The following CNTNAP2 variants were observed in gnomAD, a reference collection of about 807,000 sequenced individuals.
CNTNAP2 encodes the protein contactin-associated protein-like 2.
A neutral mutation model predicts 155.2 loss-of-function variants in CNTNAP2; 98 were observed. The observed-to-expected ratio is 0.63, with a 90% confidence interval of 0.54 to 0.75. The LOEUF (loss-of-function observed/expected upper bound fraction) is 0.75, where lower values mean the gene tolerates loss of function less well. Among genes scored for constraint, CNTNAP2 ranks in the 30% least tolerant of loss-of-function variants. The probability of loss-of-function intolerance (pLI) is 0.00; values close to 1 mark genes in which losing one functional copy is unlikely to be tolerated. For missense variants in CNTNAP2, 1,727 were observed against 1,688.1 expected, an observed-to-expected ratio of 1.02 and a Z score of -0.40; for synonymous variants, 651 against 631.2, an observed-to-expected ratio of 1.03 and a Z score of -0.47.
At chr7:147,402,962 A>AC (rs1563191202) in intron 10 of CNTNAP2, among the ~76,000 whole-genome samples, 5 of 147,270 alleles carry the variant, frequency 3.4e-5, no homozygotes, top group Non-Finnish European at 6.1e-5. Context: ...GAAAAAAAAA[A>AC]AAAAAAAAAC....
At chr7:148,311,976 A>T (rs958989416) in intron 21 of CNTNAP2, among the ~76,000 whole-genome samples, 1 of 152,226 alleles carries the variant, frequency 6.6e-6, no homozygotes, top group African/African-American at 2.4e-5. Context: ...GATTCAACAA[A>T]GAGTGAGTAC....
intron 8 of CNTNAP2, chr7:147,167,568 G>A: frequency 1.3e-6 from 1 of 786,086 alleles, no homozygotes. Context: ...AGATGACGAT[G>A]ATGACCTGTG....
chr7:147,244,244 A>C (rs770744080), intron 8 of CNTNAP2, among the ~76,000 whole-genome samples: 13 of 152,226 alleles, frequency 8.5e-5, no homozygotes, highest in Non-Finnish European at 1.8e-4. Flanking sequence ...AGAGTGTGGA[A>C]GGGTTAAAGA....
At chr7:148,249,414 C>T (rs1208628974) in intron 20 of CNTNAP2, among the ~76,000 whole-genome samples, 2 of 152,170 alleles carry the variant, frequency 1.3e-5, no homozygotes, top group African/African-American at 4.8e-5. Context: ...CTTCAGTGGG[C>T]GTGCTTCCAG....
At chr7:146,409,926 C>G (rs1385057203) in intron 1 of CNTNAP2, among the ~76,000 whole-genome samples, 1 of 152,156 alleles carries the variant, frequency 6.6e-6, no homozygotes, top group Non-Finnish European at 1.5e-5. Flanking sequence ...GATGCAATGA[C>G]TTTCAAGGTC....
At chr7:148,223,890 A>G (rs1795794455) in intron 19 of CNTNAP2, among the ~76,000 whole-genome samples, 1 of 152,228 alleles carries the variant, frequency 6.6e-6, no homozygotes, top group South Asian at 2.1e-4. Flanking sequence ...ACAAAGTGAC[A>G]GCAGAGAGGA....
intron 1 of CNTNAP2, among the ~76,000 whole-genome samples, chr7:146,639,142 A>C (rs569911329): frequency 4.7e-4 from 71 of 152,330 alleles, no homozygotes; most frequent in African/African-American, 1.7e-3. Context: ...GGTGCCAATT[A>C]TGTGATTCCA....
intron 1 of CNTNAP2, among the ~76,000 whole-genome samples, chr7:146,643,715 G>T (rs1799756684): frequency 6.6e-6 from 1 of 152,144 alleles, no homozygotes; most frequent in African/African-American, 2.4e-5. Context: ...TTGGTAGCTT[G>T]ATGGGGATGG....
In CNTNAP2 at chr7:147,227,490, A is replaced by G. The variant is rs933178934; in HGVS notation, c.1349-72651A>G. Among the ~76,000 whole-genome samples the G allele has an allele frequency of 3.3e-5, 5 of 152,238 alleles. No homozygotes were observed. In the South Asian group the frequency reaches 6.2e-4, roughly 19 times the overall value. On this transcript the variant is annotated intron_variant, in intron 8 of 23. Coordinates refer to ENST00000361727, the MANE Select transcript of CNTNAP2 (RefSeq NM_014141.6). The stretch of plus-strand genomic sequence containing the variant: ...GCAAGTTGAAAAAGGCTGACCAGTT[A>G]GAAAATATTACAAATATCCAGGTCG...
intron 11 of CNTNAP2, among the ~76,000 whole-genome samples, chr7:147,497,653 T>G (rs887712927): frequency 1.3e-5 from 2 of 152,214 alleles, no homozygotes; most frequent in African/African-American, 4.8e-5. Context: ...TTCTACCATA[T>G]GGCTATCTGT....
At chr7:147,891,289 C>A (rs2116731429) in intron 13 of CNTNAP2, among the ~76,000 whole-genome samples, 1 of 151,964 alleles carries the variant, frequency 6.6e-6, no homozygotes, top group Non-Finnish European at 1.5e-5. Context: ...ACTGCAACCT[C>A]TGCCTCCCGG....
At chr7:148,237,387 G>C (rs980554680) in intron 20 of CNTNAP2, among the ~76,000 whole-genome samples, 1 of 152,162 alleles carries the variant, frequency 6.6e-6, no homozygotes, top group African/African-American at 2.4e-5. Flanking sequence ...AGGCTTTGAA[G>C]GAAGGATAAG....
At chr7:146,405,192 G>T (rs753055821) in intron 1 of CNTNAP2, among the ~76,000 whole-genome samples, 1 of 152,182 alleles carries the variant, frequency 6.6e-6, no homozygotes, top group Non-Finnish European at 1.5e-5. Context: ...TGTCCCTGAA[G>T]CTACCTGCAG....
chr7:146,172,110 A>G (rs900549899), intron 1 of CNTNAP2, among the ~76,000 whole-genome samples: 1 of 90,714 alleles, frequency 1.1e-5, no homozygotes, highest in Admixed American at 1.4e-4. Flanking sequence ...TTTTTTTGTT[A>G]CCAGTTCGTG....
At chr7:147,712,723 A>G (rs903470023) in intron 13 of CNTNAP2, among the ~76,000 whole-genome samples, 1 of 152,172 alleles carries the variant, frequency 6.6e-6, no homozygotes, top group African/African-American at 2.4e-5. Context: ...GAAGGGGAAC[A>G]TCACACACCG....
intron 1 of CNTNAP2, among the ~76,000 whole-genome samples, chr7:146,173,862 G>A (rs1206225494): frequency 6.6e-6 from 1 of 152,142 alleles, no homozygotes; most frequent in Non-Finnish European, 1.5e-5. Flanking sequence ...TGCTCAAGCA[G>A]TAGCTATTAC....
chr7:146,309,484 A>T lies in CNTNAP2; in HGVS notation c.97+192511A>T, dbSNP rs555995976. ...CACGGGCCTTCTCATATTCACACTA[A>T]TTCTAAATCAGACTTCTGTTAAGAA... is the stretch of plus-strand genomic sequence containing the variant. On this transcript the variant is annotated intron_variant, in intron 1 of 23. Coordinates refer to ENST00000361727, the MANE Select transcript of CNTNAP2 (RefSeq NM_014141.6). Among the ~76,000 whole-genome samples the T allele has an allele frequency of 8.5e-5, 13 of 152,236 alleles. No individual in the cohort carries two copies. The South Asian group carries it at 2.7e-3, about 32-fold the overall frequency.
intron 2 of CNTNAP2, among the ~76,000 whole-genome samples, chr7:146,806,852 A>G (rs1802976314): frequency 6.6e-6 from 1 of 152,170 alleles, no homozygotes; most frequent in Non-Finnish European, 1.5e-5. Context: ...GATGGAGTGT[A>G]ACCTGAATGA....
intron 12 of CNTNAP2, among the ~76,000 whole-genome samples, chr7:147,579,035 T>C (rs1274370783): frequency 1.3e-5 from 2 of 152,132 alleles, no homozygotes; most frequent in African/African-American, 4.8e-5. Flanking sequence ...CTTTAAGTCA[T>C]TGCTTACACT....
Sources: gnomAD v4.1 joint callset for allele counts (sites outside exome capture counted in the v4.1 genomes callset) on GRCh38, gnomAD v4.1.1 for gene constraint, MANE v1.5 for transcripts, NCBI Gene and HGNC (gene_info 2026-07-23, HGNC 2026-07-21) for gene names.